Variants in PRKAG2 observed in about 807,000 individuals in gnomAD.
The protein encoded by PRKAG2 is protein kinase AMP-activated non-catalytic subunit gamma 2, also known as 5'-AMP-activated protein kinase subunit gamma-2.
Under a neutral mutation model 69.6 loss-of-function variants are expected in PRKAG2, and 26 were observed. The observed-to-expected ratio is 0.37, with a 90% CI of 0.27 to 0.52. PRKAG2 has a LOEUF of 0.52. Among genes scored for constraint, PRKAG2 ranks in the 20% least tolerant of loss-of-function variants. The pLI is 0.90. For missense variants in PRKAG2, 557 were observed against 740.0 expected, an observed-to-expected ratio of 0.75 and a Z score of 2.87; for synonymous variants, 293 against 285.0, an observed-to-expected ratio of 1.03 and a Z score of -0.28.
chr7:151,598,600 A>G (rs1294220948), intron 5 of PRKAG2, among the ~76,000 whole-genome samples: 1 of 152,182 alleles, frequency 6.6e-6, no homozygotes, highest in Non-Finnish European at 1.5e-5. Context: ...AAACTTAAAA[A>G]AAGGAAAAAA....
At chr7:151,764,190 A>C (rs1448449235) in intron 3 of PRKAG2, among the ~76,000 whole-genome samples, 1 of 152,154 alleles carries the variant, frequency 6.6e-6, no homozygotes, top group African/African-American at 2.4e-5. Flanking sequence ...TGACATAATA[A>C]AAGTGGTGAT....
intron 1 of PRKAG2, among the ~76,000 whole-genome samples, chr7:151,831,188 G>A (rs2079018758): frequency 6.6e-6 from 1 of 152,248 alleles, no homozygotes; most frequent in South Asian, 2.1e-4. Flanking sequence ...CAGTGCCTCA[G>A]AAGTTAAATA....
intron 3 of PRKAG2, among the ~76,000 whole-genome samples, chr7:151,704,847 G>T (rs968147071): frequency 1.3e-5 from 2 of 152,178 alleles, no homozygotes; most frequent in African/African-American, 2.4e-5. Context: ...GGAGAGCGAG[G>T]CTGCTCAGCG....
At chr7:151,863,740 C>T (rs1025225617) in intron 1 of PRKAG2, among the ~76,000 whole-genome samples, 3 of 152,112 alleles carry the variant, frequency 2.0e-5, no homozygotes, top group African/African-American at 7.2e-5. Flanking sequence ...GATGATGAAG[C>T]CCCTTCTCTA....
At chr7:151,684,020 C>T (rs763071234) in intron 3 of PRKAG2, among the ~76,000 whole-genome samples, 1 of 152,188 alleles carries the variant, frequency 6.6e-6, no homozygotes, top group East Asian at 1.9e-4. Context: ...GCAGGTTTTA[C>T]CTTCCACCCC....
intron 1 of PRKAG2, among the ~76,000 whole-genome samples, chr7:151,875,759 C>T (rs896958930): frequency 1.9e-4 from 29 of 152,244 alleles, no homozygotes; most frequent in African/African-American, 6.7e-4. Flanking sequence ...ACTACGCGGC[C>T]CGCCGCCCCT....
chr7:151,587,360 C>T (rs965930063), intron 6 of PRKAG2, among the ~76,000 whole-genome samples: 3 of 152,092 alleles, frequency 2.0e-5, no homozygotes, highest in African/African-American at 7.2e-5. Context: ...GCAGAAAAAT[C>T]CCAACTAACT....
At chr7:151,694,315 C>G (rs575817929) in intron 3 of PRKAG2, among the ~76,000 whole-genome samples, 1 of 152,220 alleles carries the variant, frequency 6.6e-6, no homozygotes, top group African/African-American at 2.4e-5. Context: ...TTAAAATGCA[C>G]ACAACCTAAA....
intron 6 of PRKAG2, among the ~76,000 whole-genome samples, chr7:151,593,263 C>T (rs1157787864): frequency 6.6e-6 from 1 of 152,222 alleles, no homozygotes; most frequent in Non-Finnish European, 1.5e-5. Context: ...TCTCGGCTCA[C>T]TGCAGCCTCC....
chr7:151,855,042 ACCGCCCT>A (rs2079683258), intron 1 of PRKAG2, among the ~76,000 whole-genome samples: 1 of 48,336 alleles, frequency 2.1e-5, no homozygotes, highest in African/African-American at 9.7e-5. Context: ...CTCCACACAC[ACCGCCCT>A]CCACACACAC....
intron 4 of PRKAG2, among the ~76,000 whole-genome samples, chr7:151,672,062 C>T (rs1832123670): frequency 6.7e-6 from 1 of 149,486 alleles, no homozygotes; most frequent in Non-Finnish European, 1.5e-5. Flanking sequence ...ACTCTTGTTG[C>T]CCTGGGATTA....
chr7:151,710,373 C>CA (rs1174092088), intron 3 of PRKAG2, among the ~76,000 whole-genome samples: 2 of 152,202 alleles, frequency 1.3e-5, no homozygotes, highest in African/African-American at 4.8e-5. Flanking sequence ...AGTGGTCACC[C>CA]ACCAGTCTCC....
chr7:151,674,928 CT>C (rs200596135), intron 4 of PRKAG2: 73 of 169,862 alleles, frequency 4.3e-4, no homozygotes, highest in Middle Eastern at 2.7e-3. Context: ...TTCTTTTTTT[CT>C]TTTTTTTTTC....
At chr7:151,821,199 T>A (rs2078770869) in intron 1 of PRKAG2, among the ~76,000 whole-genome samples, 1 of 152,226 alleles carries the variant, frequency 6.6e-6, no homozygotes, top group Non-Finnish European at 1.5e-5. Flanking sequence ...GGAGTAAGAC[T>A]GAAGCTAAGA....
intron 5 of PRKAG2, among the ~76,000 whole-genome samples, chr7:151,629,515 G>T (rs1823866561): frequency 6.6e-6 from 1 of 152,120 alleles, no homozygotes; most frequent in Non-Finnish European, 1.5e-5. Context: ...TGTCCCTCTT[G>T]TCGTGGTAAG....
At chr7:151,808,740 C>T (rs946476083) in intron 1 of PRKAG2, among the ~76,000 whole-genome samples, 1 of 152,088 alleles carries the variant, frequency 6.6e-6, no homozygotes, top group Non-Finnish European at 1.5e-5. Flanking sequence ...CCCTCCCTCC[C>T]AAGTCTCTCC....
intron 3 of PRKAG2, among the ~76,000 whole-genome samples, chr7:151,751,098 CTTTT>C (rs11386133): frequency 3.1e-5 from 4 of 130,894 alleles, no homozygotes; most frequent in Admixed American, 2.4e-4. Flanking sequence ...TCAAAGATTC[CTTTT>C]TTTTTTTTTT....
chr7:151,720,379 C>A (rs1796857902), intron 3 of PRKAG2, among the ~76,000 whole-genome samples: 1 of 151,888 alleles, frequency 6.6e-6, no homozygotes, highest in Non-Finnish European at 1.5e-5. Context: ...AAGACCATGG[C>A]CCTTTCCAGA....
intron 5 of PRKAG2, among the ~76,000 whole-genome samples, chr7:151,599,543 G>A (rs1308269464): frequency 6.6e-6 from 1 of 152,200 alleles, no homozygotes; most frequent in Non-Finnish European, 1.5e-5. Context: ...TTTTGTGGAA[G>A]ACAATTTTTC....
Sources: allele counts gnomAD v4.1 joint callset (sites outside exome capture counted in the v4.1 genomes callset), GRCh38; gene constraint gnomAD v4.1.1; transcripts MANE v1.5; gene names NCBI Gene and HGNC (gene_info 2026-07-23, HGNC 2026-07-21).